The following SPPL3 variants were observed in gnomAD, a reference collection of about 807,000 sequenced individuals.
The protein encoded by SPPL3 is signal peptide peptidase-like 3.
A neutral mutation model predicts 42.4 loss-of-function variants in SPPL3; 5 were observed. That is an observed-to-expected ratio of 0.12 (90% CI 0.06 to 0.25). SPPL3 has a LOEUF of 0.25. Ranked by LOEUF, SPPL3 falls within the 10% of genes least tolerant of loss-of-function variation. The pLI, the probability that SPPL3 is intolerant of heterozygous loss-of-function variation, is 1.00. For synonymous variants in SPPL3, 195 were observed against 181.8 expected, an observed-to-expected ratio of 1.07 and a Z score of -0.58; for missense variants, 235 against 489.0, an observed-to-expected ratio of 0.48 and a Z score of 4.90.
intron 1 of SPPL3, among the ~76,000 whole-genome samples, chr12:120,900,511 G>C (rs575605880): frequency 1.3e-5 from 2 of 151,882 alleles, no homozygotes; most frequent in East Asian, 3.9e-4. Flanking sequence ...AGGCTGAGGT[G>C]GGAGGATCGC....
intron 1 of SPPL3, among the ~76,000 whole-genome samples, chr12:120,853,665 C>G (rs969134987): frequency 6.6e-6 from 1 of 152,076 alleles, no homozygotes; most frequent in African/African-American, 2.4e-5. Flanking sequence ...ATCCAAATCA[C>G]CTGGAGGACT....
chr12:120,837,199 T>C (rs906573749), intron 1 of SPPL3, among the ~76,000 whole-genome samples: 41 of 152,238 alleles, frequency 2.7e-4, no homozygotes, highest in African/African-American at 9.9e-4. Context: ...ACTAGCTATA[T>C]TATTAATATG....
intron 1 of SPPL3, among the ~76,000 whole-genome samples, chr12:120,865,696 G>A (rs1204027851): frequency 6.6e-6 from 1 of 152,198 alleles, no homozygotes; most frequent in African/African-American, 2.4e-5. Context: ...GATCCCCAGG[G>A]AGGAGCCTAC....
At chr12:120,841,995 T>C (rs932645196) in intron 1 of SPPL3, among the ~76,000 whole-genome samples, 1 of 152,234 alleles carries the variant, frequency 6.6e-6, no homozygotes, top group Non-Finnish European at 1.5e-5. Context: ...CTAAATAAAC[T>C]ATTACATCTA....
At chr12:120,767,707 A>T in intron 8 of SPPL3, 114 bp from the exon 9 acceptor site, 1 of 1,035,442 alleles carries the variant, frequency 9.7e-7, no homozygotes, top group South Asian at 1.6e-5. Flanking sequence ...TGCATGGCAG[A>T]TGGAAATCTC....
intron 1 of SPPL3, 59 bp downstream of exon 1, chr12:120,903,786 C>A: frequency 7.4e-7 from 1 of 1,354,852 alleles, no homozygotes. Context: ...CGGCGGGCCG[C>A]GCCGGCGCCC....
intron 1 of SPPL3, among the ~76,000 whole-genome samples, chr12:120,897,255 T>C (rs1267753267): frequency 3.9e-5 from 6 of 152,196 alleles, no homozygotes; most frequent in African/African-American, 9.6e-5. Context: ...ACTTACAGGC[T>C]GATATGGTAC....
intron 1 of SPPL3, among the ~76,000 whole-genome samples, chr12:120,885,293 G>A (rs907908822): frequency 6.6e-6 from 1 of 152,086 alleles, no homozygotes; most frequent in African/African-American, 2.4e-5. Flanking sequence ...TACCACTTAC[G>A]GTGTTCTTTA....
chr12:120,854,775 A>T (rs1384394043), intron 1 of SPPL3, among the ~76,000 whole-genome samples: 1 of 152,218 alleles, frequency 6.6e-6, no homozygotes, highest in Non-Finnish European at 1.5e-5. Context: ...GAAGAAGCTA[A>T]CTTCCTATTA....
At chr12:120,891,688 A>G (rs1274822301) in intron 1 of SPPL3, among the ~76,000 whole-genome samples, 2 of 151,560 alleles carry the variant, frequency 1.3e-5, no homozygotes, top group Non-Finnish European at 2.9e-5. Flanking sequence ...ATATTTTCAC[A>G]TGAGCATGTT....
intron 2 of SPPL3, among the ~76,000 whole-genome samples, chr12:120,798,224 G>GT (rs35070630): frequency 0.098 from 14,936 of 151,980 alleles, 1,596 homozygotes; most frequent in African/African-American, 0.27. Context: ...TTTCCTGGGG[G>GT]TTTTTTTATT....
intron 2 of SPPL3, among the ~76,000 whole-genome samples, chr12:120,794,775 T>C (rs1870043728): frequency 6.6e-6 from 1 of 152,180 alleles, no homozygotes; most frequent in Non-Finnish European, 1.5e-5. Flanking sequence ...CCTATCATCT[T>C]ACTATTTGTT....
At chr12:120,768,840 G>T in intron 7 of SPPL3, 113 bp downstream of exon 7, 1 of 864,550 alleles carries the variant, frequency 1.2e-6, no homozygotes, top group Non-Finnish European at 1.8e-6. Flanking sequence ...GAGAGAGAGT[G>T]ATCAGCAGCT....
chr12:120,821,209 A>G (rs2097103659), intron 1 of SPPL3, among the ~76,000 whole-genome samples: 1 of 152,168 alleles, frequency 6.6e-6, no homozygotes, highest in African/African-American at 2.4e-5. Context: ...GGGCGGGGAG[A>G]GGGATTGAAA....
At chr12:120,894,712 G>T (rs184377744) in intron 1 of SPPL3, among the ~76,000 whole-genome samples, 2 of 152,146 alleles carry the variant, frequency 1.3e-5, no homozygotes, top group Non-Finnish European at 2.9e-5. Flanking sequence ...TTGGGAGGCC[G>T]AGGCGGGTGG....
Position 120,819,635 on chromosome 12 carries a change from A to G in SPPL3, c.24-8749T>C, listed in dbSNP as rs1319848581. On this transcript the variant is annotated intron_variant, in intron 1 of 10. Coordinates refer to ENST00000353487, the MANE Select transcript of SPPL3 (RefSeq NM_139015.5). ...CAAATCTAGTTCAGTTAGCATCTCA[A>G]ATGACTGCACAAGTGGTTTCCTCAA... Among the ~76,000 whole-genome samples, 3 of 152,204 alleles carry G rather than the reference A, an allele frequency of 2.0e-5. No individual in the cohort carries two copies. The South Asian group carries it at 6.2e-4, about 31-fold the overall frequency.
intron 1 of SPPL3, among the ~76,000 whole-genome samples, chr12:120,882,926 C>G (rs554472658): frequency 2.0e-5 from 3 of 150,940 alleles, no homozygotes; most frequent in African/African-American, 7.3e-5. Context: ...TGCTAGAGAT[C>G]GTTGAGGAAA....
chr12:120,802,891 C>A (rs190895528), intron 2 of SPPL3, among the ~76,000 whole-genome samples: 7 of 152,256 alleles, frequency 4.6e-5, no homozygotes, highest in Non-Finnish European at 1.0e-4. Flanking sequence ...CACTGTGCAC[C>A]TTCAATTTTG....
In SPPL3 at chr12:120,879,981, CTTTT is replaced by C. The variant is rs561660479; in HGVS notation, c.23+23860_23+23863del. Among the ~76,000 whole-genome samples, 120 of 142,960 alleles carry C rather than the reference CTTTT, an allele frequency of 8.4e-4. 4 individuals carry two copies. Among genetic ancestry groups the C allele is most frequent in the African/African-American group, 2.8e-3 (108 of 39,238 alleles). 93.8% of individuals were successfully genotyped at this position (142,960 alleles called of 152,430 possible). On this transcript the variant is annotated intron_variant, in intron 1 of 10. Coordinates refer to ENST00000353487, the MANE Select transcript of SPPL3 (RefSeq NM_139015.5). Reference sequence around the variant, plus strand: ...CTCCACCTCTGTTCCCTGCTTTTATCTTTTTTTTTTTTTCACTTTTCATTCCTCG... The same window carrying C: ...CTCCACCTCTGTTCCCTGCTTTTATCTTTTTTTTTCACTTTTCATTCCTCG...
Sources: allele counts gnomAD v4.1 joint callset (sites outside exome capture counted in the v4.1 genomes callset), GRCh38; gene constraint gnomAD v4.1.1; transcripts MANE v1.5; gene names NCBI Gene and HGNC (gene_info 2026-07-23, HGNC 2026-07-21).